PCDHGA9: variants seen among roughly 807,000 people sequenced by gnomAD.
The protein encoded by PCDHGA9 is protocadherin gamma-A9.
PCDHGA9 carries 37 observed loss-of-function variants against 62.5 expected under a neutral mutation model. The ratio of observed to expected loss-of-function variants is 0.59; its 90% confidence interval spans 0.46 to 0.78. PCDHGA9 has a LOEUF of 0.78. PCDHGA9 is among the 30% of genes least tolerant of loss of function. The pLI is 0.00. For synonymous variants in PCDHGA9, 459 were observed against 484.6 expected (o/e 0.95, Z 0.69); for missense variants, 1,138 against 1,166.2 (o/e 0.98, Z 0.35).
At chr5:141,420,001 C>T in intron 1 of PCDHGA9, 1 of 1,614,084 alleles carries the variant, frequency 6.2e-7, no homozygotes, top group Non-Finnish European at 8.5e-7. Flanking sequence ...TTGCTCTACG[C>T]CTGCGACAGT....
chr5:141,484,603 G>T (rs1460433183), intron 1 of PCDHGA9, among the ~76,000 whole-genome samples: 1 of 152,008 alleles, frequency 6.6e-6, no homozygotes, highest in Non-Finnish European at 1.5e-5. Context: ...TAGAATACTG[G>T]TTGATGACAA....
At chr5:141,415,695 T>C (rs1284418994) in intron 1 of PCDHGA9, 1 of 1,537,350 alleles carries the variant, frequency 6.5e-7, no homozygotes, top group South Asian at 1.2e-5. Context: ...TGGTGGAAAG[T>C]GTAAATGCTA....
chr5:141,497,544 T>C (rs1410779650), intron 2 of PCDHGA9, among the ~76,000 whole-genome samples: 4 of 150,796 alleles, frequency 2.7e-5, no homozygotes, highest in African/African-American at 9.8e-5. Flanking sequence ...ACAAACCTTT[T>C]TTTTTTTTTT....
chr5:141,485,935 C>A lies in PCDHGA9; in HGVS notation c.2425-8872C>A. The stretch of plus-strand genomic sequence containing the variant: ...GCTACAGGATTAGTGTGTTGGAGAG[C>A]GCACCAGCGGGCATGGTGCTCATCC... On this transcript the variant is annotated intron_variant, in intron 1 of 3. Coordinates refer to ENST00000573521, the MANE Select transcript of PCDHGA9 (RefSeq NM_018921.3). This position sits in a 1 kb window ranked among gnomAD's most constrained non-coding sequence, Gnocchi z 5.7. The A allele has an allele frequency of 3.1e-6, 5 of 1,614,144 alleles. No homozygotes were observed. Among genetic ancestry groups the A allele is most frequent in the Non-Finnish European group, 3.4e-6 (4 of 1,180,030 alleles).
At chr5:141,417,030 T>G (rs1460954160) in intron 1 of PCDHGA9, 1 of 86,454 alleles carries the variant, frequency 1.2e-5, no homozygotes, top group East Asian at 2.9e-4. Flanking sequence ...AAATACAGGT[T>G]TTTTTTTTAA....
chr5:141,407,919 C>A, intron 1 of PCDHGA9: 1 of 472,082 alleles, frequency 2.1e-6, no homozygotes, highest in Non-Finnish European at 3.7e-6. Flanking sequence ...GGCTGCTGTC[C>A]CGCACGGAGC....
intron 2 of PCDHGA9, among the ~76,000 whole-genome samples, chr5:141,499,326 C>G (rs1465474737): frequency 6.6e-6 from 1 of 152,156 alleles, no homozygotes; most frequent in Non-Finnish European, 1.5e-5. Flanking sequence ...TATCCCTGCT[C>G]TCTCTCAGTT....
chr5:141,460,909 G>GGT (rs548378036), intron 1 of PCDHGA9, among the ~76,000 whole-genome samples: 1,853 of 123,260 alleles, frequency 0.015, 18 homozygotes, highest in Non-Finnish European at 0.019. Context: ...AATATTCCAT[G>GGT]GTGTATATAT....
intron 1 of PCDHGA9, among the ~76,000 whole-genome samples, chr5:141,474,280 C>A (rs1490512371): frequency 6.6e-6 from 1 of 152,136 alleles, no homozygotes; most frequent in African/African-American, 2.4e-5. Context: ...CTCTGAATAA[C>A]CCACTAGATC....
At chr5:141,421,407 G>T in intron 1 of PCDHGA9, 1 of 1,614,076 alleles carries the variant, frequency 6.2e-7, no homozygotes. Flanking sequence ...CCCGGGAGCT[G>T]GCGAAGCGCG....
At position 141,490,558 on chromosome 5, in the gene PCDHGA9, A is replaced by G. The variant is rs765890709; in HGVS notation, c.2425-4249A>G. 3.1e-5 allele frequency: 50 copies of G among 1,614,042 alleles called. No individual in the cohort carries two copies. The East Asian group carries it at 1.0e-3, about 34-fold the overall frequency. ...ACCTTCCCTACACAAACATCTCACC[A>G]TCAGGCTCAACATTTCAGATGTCAA... On this transcript the variant is annotated intron_variant, in intron 1 of 3. Transcript: ENST00000573521. This position sits in a 1 kb window ranked among gnomAD's most constrained non-coding sequence, Gnocchi z 5.4.
In PCDHGA9 at chr5:141,405,334, T is replaced by C; in HGVS notation, c.2382T>C (p.Ser794=). The part of the protein sequence containing the change: ...SCEKNEPLCV[S]VDSKFPIEDT... ...AGAAAAATGAGCCTTTGTGCGTCTC[T>C]GTTGATTCCAAGTTTCCTATAGAAG... Residue 794 remains serine, a synonymous_variant, in exon 1 of 4, where the codon TCT becomes TCC. Transcript: ENST00000573521. 1 of 1,614,196 alleles carries C rather than the reference T, an allele frequency of 6.2e-7. No homozygotes were observed.
Position 141,489,089 on chromosome 5 carries a change from A to G in PCDHGA9, c.2425-5718A>G. 5.6e-5 allele frequency: 16 copies of G among 284,404 alleles called. No individual in the cohort carries two copies. The highest frequency in any genetic ancestry group is 9.0e-5 in the Non-Finnish European group (14 of 156,416). The allele number at this position is 284,404 out of a possible 1,614,324, so 17.6% of individuals were successfully genotyped here. On this transcript the variant is annotated intron_variant, in intron 1 of 3. Coordinates refer to ENST00000573521, the MANE Select transcript of PCDHGA9 (RefSeq NM_018921.3). The surrounding 1 kb of genome is among the most constrained non-coding windows in gnomAD (Gnocchi z 4.5). ...CCCTGCCCACCCCCGCCACTCGGTG[A>G]CTAAGAACTGCTGCAAGCAGGCAAA...
chr5:141,495,449 GCT>G (rs560850951), intron 2 of PCDHGA9, among the ~76,000 whole-genome samples: 3 of 152,194 alleles, frequency 2.0e-5, no homozygotes, highest in Non-Finnish European at 2.9e-5. Flanking sequence ...TACTTGTCCT[GCT>G]CTCTGTCTGT....
chr5:141,440,075 T>C (rs2098148518), intron 1 of PCDHGA9: 1 of 152,428 alleles, frequency 6.6e-6, no homozygotes, highest in Non-Finnish European at 1.5e-5. Flanking sequence ...TGAGGAATAA[T>C]ACTTCATTCT....
intron 1 of PCDHGA9, among the ~76,000 whole-genome samples, chr5:141,481,039 C>T (rs748434260): frequency 4.6e-5 from 7 of 152,048 alleles, no homozygotes; most frequent in Non-Finnish European, 8.8e-5. Flanking sequence ...GCCTGGGCGA[C>T]AGAGCGAGAC....
intron 1 of PCDHGA9, chr5:141,419,798 A>G: frequency 6.2e-7 from 1 of 1,614,050 alleles, no homozygotes; most frequent in Admixed American, 1.7e-5. Flanking sequence ...AGTCGCTGTA[A>G]GAGATGGAGG....
intron 1 of PCDHGA9, chr5:141,421,959 A>T: frequency 6.2e-7 from 1 of 1,612,798 alleles, no homozygotes; most frequent in Non-Finnish European, 8.5e-7. Flanking sequence ...CAATGTTTAC[A>T]CAGTCCGTAT....
Position 141,420,299 on chromosome 5 carries a change from T to A in PCDHGA9, c.2424+14923T>A, listed in dbSNP as rs377297222. On this transcript the variant is annotated intron_variant, in intron 1 of 3. Coordinates refer to ENST00000573521, the MANE Select transcript of PCDHGA9 (RefSeq NM_018921.3). Reference sequence around the variant, plus strand: ...GGTAAGTATTTAAAAATGTATTTAATCCTTTTTATATTACAATATGCCAAT... The same window carrying A: ...GGTAAGTATTTAAAAATGTATTTAAACCTTTTTATATTACAATATGCCAAT... 6.8e-6 allele frequency: 10 copies of A among 1,465,980 alleles called. No homozygotes were observed. The African/African-American group carries it at 1.4e-4, about 21-fold the overall frequency. 90.8% of individuals were successfully genotyped at this position (1,465,980 alleles called of 1,614,324 possible). A position where few individuals can be genotyped will look rare whatever the true frequency, so the allele number is the denominator to read the frequency against.
Sources: allele counts gnomAD v4.1 joint callset (sites outside exome capture counted in the v4.1 genomes callset), GRCh38; gene constraint gnomAD v4.1.1; non-coding constraint Gnocchi (gnomAD v3.1); transcripts MANE v1.5; gene names NCBI Gene and HGNC (gene_info 2026-07-23, HGNC 2026-07-21).